Variants in GLIS1 observed in about 807,000 individuals in gnomAD.
The protein encoded by GLIS1 is GLIS family zinc finger 1.
GLIS1 carries 24 observed loss-of-function variants against 63.8 expected under a neutral mutation model. The observed-to-expected ratio is 0.38, with a 90% CI of 0.27 to 0.53. The LOEUF (loss-of-function observed/expected upper bound fraction) is 0.53. GLIS1 is among the 20% of genes least tolerant of loss of function. The pLI is 0.85. For synonymous variants in GLIS1, 450 were observed against 482.5 expected (o/e 0.93, Z 0.88); for missense variants, 1,036 against 1,074.1 (o/e 0.96, Z 0.50).
Position 53,641,752 on chromosome 1 carries a change from T to C in GLIS1, c.260-41474A>G, listed in dbSNP as rs1385226761. On this transcript the variant is annotated intron_variant, in intron 2 of 10. Coordinates refer to ENST00000628545, the MANE Select transcript of GLIS1 (RefSeq NM_001367484.1). ...GTGGAGGGTGGTTTCTTAACACGCC[T>C]TCCTGACACCCGACACCTCTCCTCA... is the stretch of plus-strand genomic sequence containing the variant. Among the ~76,000 whole-genome samples, 3 of 152,164 alleles carry C rather than the reference T, an allele frequency of 2.0e-5. No homozygotes were observed. In the East Asian group the frequency reaches 5.8e-4, roughly 29 times the overall value.
intron 4 of GLIS1, among the ~76,000 whole-genome samples, chr1:53,570,494 T>C (rs1045989374): frequency 2.6e-5 from 4 of 152,032 alleles, no homozygotes; most frequent in African/African-American, 9.7e-5. Context: ...CAAGGAACAC[T>C]AAAACAAGAC....
At chr1:53,739,008 C>T (rs1646941187) in intron 1 of GLIS1, among the ~76,000 whole-genome samples, 97 bp downstream of exon 1, 1 of 152,146 alleles carries the variant, frequency 6.6e-6, no homozygotes. Flanking sequence ...TGCGCCATCC[C>T]CAAGCTGCCG....
At chr1:53,626,465 G>A (rs1202966536) in intron 2 of GLIS1, among the ~76,000 whole-genome samples, 1 of 152,198 alleles carries the variant, frequency 6.6e-6, no homozygotes, top group Non-Finnish European at 1.5e-5. Flanking sequence ...GCATCCAGGG[G>A]ACCCTGAGCT....
intron 2 of GLIS1, among the ~76,000 whole-genome samples, chr1:53,667,007 C>T (rs1459461098): frequency 6.6e-6 from 1 of 152,204 alleles, no homozygotes; most frequent in Non-Finnish European, 1.5e-5. Flanking sequence ...CTACTTCATT[C>T]ATTCATTCGT....
intron 7 of GLIS1, among the ~76,000 whole-genome samples, chr1:53,515,238 A>G (rs939078450): frequency 6.6e-6 from 1 of 152,100 alleles, no homozygotes; most frequent in Non-Finnish European, 1.5e-5. Context: ...AATGGAGAGA[A>G]GCTTGAGAGT....
At chr1:53,691,263 A>C (rs892406714) in intron 2 of GLIS1, among the ~76,000 whole-genome samples, 44 of 152,070 alleles carry the variant, frequency 2.9e-4, no homozygotes, top group Non-Finnish European at 4.1e-4. Flanking sequence ...CCACAGTGGG[A>C]GCTTCAGTGC....
chr1:53,530,873 C>T (rs928506917), intron 4 of GLIS1, among the ~76,000 whole-genome samples: 3 of 152,244 alleles, frequency 2.0e-5, no homozygotes, highest in Admixed American at 2.0e-4. Context: ...CTGTCCCTGT[C>T]CCAGCCAGGC....
intron 4 of GLIS1, among the ~76,000 whole-genome samples, chr1:53,543,182 A>C (rs1644661726): frequency 6.6e-6 from 1 of 152,206 alleles, no homozygotes; most frequent in Non-Finnish European, 1.5e-5. Context: ...CAGTTTGTGG[A>C]CTTCAGGTTT....
rs564139736 is a variant in GLIS1 at position 53,594,914 on chromosome 1, C to T, written c.514G>A (p.Asp172Asn). ...CGGGCCTCTGCCATGGCTTGGTAGT[C>T]GGGCAAGGACTCCTGTTTGATGTGT... ...TQHIKQESLP[D>N]YQAMAEARTS... Residue 172 changes from aspartate to asparagine, a missense_variant, in exon 4 of 11, where the codon GAC becomes AAC. Around this residue, in one of 3 missense-constraint regions of GLIS1, gnomAD observed 592 missense variants for 593.9 expected, o/e 1.00. Coordinates refer to ENST00000628545, the MANE Select transcript of GLIS1 (RefSeq NM_001367484.1). 6.6e-6 allele frequency: 10 copies of T among 1,512,726 alleles called. No homozygotes were observed. Among genetic ancestry groups the T allele is most frequent in the African/African-American group, 2.8e-5 (2 of 72,102 alleles). 93.7% of individuals were successfully genotyped at this position (1,512,726 alleles called of 1,614,324 possible).
At chr1:53,515,487 A>G (rs1003625830) in intron 7 of GLIS1, among the ~76,000 whole-genome samples, 2 of 152,102 alleles carry the variant, frequency 1.3e-5, no homozygotes, top group African/African-American at 4.8e-5. Context: ...AAGGGTCCCA[A>G]CTGAGGAGAG....
intron 2 of GLIS1, among the ~76,000 whole-genome samples, chr1:53,637,792 C>A (rs746634654): frequency 6.6e-6 from 1 of 152,124 alleles, no homozygotes; most frequent in Non-Finnish European, 1.5e-5. Flanking sequence ...TGAGCACCTG[C>A]GCAGCTACCA....
intron 2 of GLIS1, among the ~76,000 whole-genome samples, chr1:53,709,298 T>C (rs1646613734): frequency 7.2e-6 from 1 of 137,964 alleles, no homozygotes; most frequent in South Asian, 2.4e-4. Context: ...ATGAAGTAAA[T>C]ATAAATTTAT....
chr1:53,555,311 A>G (rs1644807354), intron 4 of GLIS1, among the ~76,000 whole-genome samples: 1 of 152,190 alleles, frequency 6.6e-6, no homozygotes, highest in South Asian at 2.1e-4. Context: ...CGGGCGGATC[A>G]CGAGGTCAGG....
chr1:53,729,236 C>T (rs952228180), intron 2 of GLIS1, among the ~76,000 whole-genome samples: 2 of 152,186 alleles, frequency 1.3e-5, no homozygotes, highest in East Asian at 1.9e-4. Flanking sequence ...ATTTTTGCTC[C>T]GCATCCACCC....
intron 2 of GLIS1, among the ~76,000 whole-genome samples, chr1:53,707,806 G>A (rs1433930068): frequency 1.3e-5 from 2 of 151,916 alleles, no homozygotes; most frequent in Admixed American, 1.3e-4. Context: ...TCCTGCCTCA[G>A]CCTCACAAAG....
intron 4 of GLIS1, among the ~76,000 whole-genome samples, chr1:53,561,445 C>CT (rs1249536992): frequency 6.6e-6 from 1 of 152,198 alleles, no homozygotes; most frequent in Non-Finnish European, 1.5e-5. Context: ...TGTGGGCAAT[C>CT]TTTTTTCAAA....
chr1:53,617,614 A>G (rs1413322311), intron 2 of GLIS1, among the ~76,000 whole-genome samples: 1 of 152,262 alleles, frequency 6.6e-6, no homozygotes, highest in Non-Finnish European at 1.5e-5. Context: ...ACTTCATCCC[A>G]TCTTCCAGCA....
At chr1:53,552,525 A>G (rs944897260) in intron 4 of GLIS1, among the ~76,000 whole-genome samples, 1 of 152,224 alleles carries the variant, frequency 6.6e-6, no homozygotes, top group African/African-American at 2.4e-5. Context: ...AATAAAAACC[A>G]ACAGATGCAT....
At chr1:53,589,763 C>T (rs569804892) in intron 4 of GLIS1, among the ~76,000 whole-genome samples, 20 of 152,298 alleles carry the variant, frequency 1.3e-4, no homozygotes, top group East Asian at 1.2e-3. Flanking sequence ...TGGGAGGACA[C>T]GCATGGGCCT....
Sources: allele counts gnomAD v4.1 joint callset (sites outside exome capture counted in the v4.1 genomes callset), GRCh38; gene constraint gnomAD v4.1.1; regional missense constraint gnomAD v4.1.1; transcripts MANE v1.5; gene names NCBI Gene and HGNC (gene_info 2026-07-23, HGNC 2026-07-21).